Variants in VLDLR observed in about 807,000 individuals in gnomAD.
The protein encoded by VLDLR is very low-density lipoprotein receptor.
In VLDLR, 81 loss-of-function variants were observed where a neutral mutation model predicts 112.7. The observed-to-expected ratio is 0.72, with a 90% CI of 0.60 to 0.86. The LOEUF (loss-of-function observed/expected upper bound fraction) is 0.86, where lower values mean the gene tolerates loss of function less well. Among genes scored for constraint, VLDLR ranks in the 40% least tolerant of loss-of-function variants. The pLI is 0.00. For synonymous variants in VLDLR, 436 were observed against 384.8 expected (o/e 1.13, Z -1.56); for missense variants, 1,237 against 1,099.4 (o/e 1.13, Z -1.77).
chr9:2,641,561 A>G lies in VLDLR; in HGVS notation c.448+62A>G. The G allele has an allele frequency of 2.0e-5, 32 of 1,610,946 alleles. 1 individual carries two copies. In the South Asian group the frequency reaches 2.6e-4, roughly 13 times the overall value. ...CCCTTTTCCTAAAGGAAGGGTGGGC[A>G]GGGGAAACTAATCTAAGCCTGAAGA... On this transcript the variant is annotated intron_variant, in intron 4 of 18. Coordinates refer to ENST00000382100, the MANE Select transcript of VLDLR (RefSeq NM_003383.5).
Position 2,650,369 on chromosome 9 carries a change from G to T in VLDLR, c.2105-1G>T, listed in dbSNP as rs1451224864. On this transcript the variant is annotated splice_acceptor_variant, in intron 14 of 18. Coordinates refer to ENST00000382100, the MANE Select transcript of VLDLR (RefSeq NM_003383.5). LOFTEE classifies it high-confidence loss of function. The stretch of plus-strand genomic sequence containing the variant: ...TTAATGGTATTTTTTTTCCTGACTA[G>T]GTAAAAATTGGTGTGAAGAAGACAT... The T allele has an allele frequency of 1.9e-6, 3 of 1,613,834 alleles. No homozygotes were observed. Among genetic ancestry groups the T allele is most frequent in the Non-Finnish European group, 2.5e-6 (3 of 1,179,984 alleles).
At position 2,644,992 on chromosome 9, in the gene VLDLR, C is replaced by A; in HGVS notation, c.1222C>A (p.Gln408Lys). The change falls in exon 9 of 19, where the codon CAA becomes AAA. Residue 408 changes from glutamine (Q) to lysine (K), a missense_variant. By Grantham distance (53) the Gln-to-Lys change is moderately conservative (BLOSUM62 1). Coordinates refer to ENST00000382100, the MANE Select transcript of VLDLR (RefSeq NM_003383.5). ...ATGCCAAAATCCAGGAATCTGCAGT[C>A]AAATTTGTATCAACTTAAAAGGCGG... ...DECQNPGICS[Q>K]ICINLKGGYK... 1.2e-6 allele frequency: 2 copies of A among 1,614,082 alleles called. No individual in the cohort carries two copies. The highest frequency in any genetic ancestry group is 2.2e-5 in the South Asian group (2 of 91,018).
intron 2 of VLDLR, among the ~76,000 whole-genome samples, chr9:2,637,834 T>A (rs374352616): frequency 1.1e-4 from 17 of 152,178 alleles, no homozygotes; most frequent in Admixed American, 9.8e-4. Context: ...TCCCAGCTAC[T>A]CGGGAGGCTG....
intron 1 of VLDLR, among the ~76,000 whole-genome samples, chr9:2,623,224 G>A (rs1469119522): frequency 6.6e-6 from 1 of 152,112 alleles, no homozygotes; most frequent in African/African-American, 2.4e-5. Context: ...TCTGCCGCGG[G>A]GGCCTGGGGG....
intron 1 of VLDLR, among the ~76,000 whole-genome samples, chr9:2,626,860 G>A (rs1420937101): frequency 3.3e-5 from 5 of 152,172 alleles, no homozygotes; most frequent in African/African-American, 1.2e-4. Flanking sequence ...AGTAAACAGG[G>A]TTTCTATTTT....
intron 13 of VLDLR, 22 bp downstream of exon 13, chr9:2,648,369 A>G: frequency 2.5e-6 from 4 of 1,614,072 alleles, no homozygotes; most frequent in Non-Finnish European, 3.4e-6. Flanking sequence ...CTCACATCAA[A>G]GTGTGTACCT....
At chr9:2,622,430 G>C (rs929335815) in intron 1 of VLDLR, 159 bp downstream of exon 1, 2 of 629,788 alleles carry the variant, frequency 3.2e-6, no homozygotes, top group African/African-American at 3.9e-5. Flanking sequence ...CCTCTGAGCT[G>C]TCAGCGCCGA....
Position 2,643,439 on chromosome 9 carries a change from A to G in VLDLR, c.728A>G (p.Glu243Gly), listed in dbSNP as rs375804439. ...PVIHTKCPASEIQCGSGECIH... is the reference protein window; with the variant it reads ...PVIHTKCPASGIQCGSGECIH... ...ATACACACCAAGTGTCCAGCCAGCG[A>G]AATCCAGTGCGGCTCTGGCGAGTGC... The change falls in exon 5 of 19, where the codon GAA becomes GGA. Residue 243 changes from glutamate to glycine, a missense_variant. Glu to Gly is a moderately conservative substitution (Grantham distance 98, BLOSUM62 -2). Coordinates refer to ENST00000382100, the MANE Select transcript of VLDLR (RefSeq NM_003383.5). 1 of 1,614,106 alleles carries G rather than the reference A, an allele frequency of 6.2e-7. No homozygotes were observed. Among genetic ancestry groups the G allele is most frequent in the Non-Finnish European group, 8.5e-7 (1 of 1,180,050 alleles).
chr9:2,645,098 C>A lies in VLDLR; in HGVS notation c.1312+16C>A. 1 of 1,614,022 alleles carries A rather than the reference C, an allele frequency of 6.2e-7. No homozygotes were observed. Among genetic ancestry groups the A allele is most frequent in the Non-Finnish European group, 8.5e-7 (1 of 1,180,010 alleles). ...AAGGCAGTAGGTAAATGAACTTGGA[C>A]TGGTATGGCTGTTGTACCTTTATGA... On this transcript the variant is annotated intron_variant, in intron 9 of 18. Coordinates refer to ENST00000382100, the MANE Select transcript of VLDLR (RefSeq NM_003383.5).
chr9:2,631,736 C>G (rs971321481), intron 1 of VLDLR, among the ~76,000 whole-genome samples: 2 of 152,116 alleles, frequency 1.3e-5, no homozygotes, highest in Admixed American at 6.6e-5. Flanking sequence ...GAAATAACGT[C>G]AATGACTGTA....
At chr9:2,635,647 T>C in intron 2 of VLDLR, 75 bp downstream of exon 2, 1 of 1,604,092 alleles carries the variant, frequency 6.2e-7, no homozygotes. Context: ...GTATTGAGAT[T>C]CTGAAAATAA....
At chr9:2,638,054 G>C (rs968647860) in intron 2 of VLDLR, among the ~76,000 whole-genome samples, 20 of 152,214 alleles carry the variant, frequency 1.3e-4, no homozygotes, top group Admixed American at 1.2e-3. Context: ...ATCACAGGTT[G>C]AATTATAGCA....
chr9:2,634,496 G>T (rs1001994242), intron 1 of VLDLR, among the ~76,000 whole-genome samples: 5 of 152,188 alleles, frequency 3.3e-5, no homozygotes, highest in Non-Finnish European at 7.3e-5. Flanking sequence ...CCAGAAGGAC[G>T]GAACTGCTAA....
chr9:2,637,495 C>T (rs1038208809), intron 2 of VLDLR, among the ~76,000 whole-genome samples: 1 of 152,168 alleles, frequency 6.6e-6, no homozygotes, highest in African/African-American at 2.4e-5. Flanking sequence ...TCTCTCAAGG[C>T]CCAGTTCACA....
chr9:2,647,587 C>A lies in VLDLR; in HGVS notation c.1817C>A (p.Thr606Lys). Residue 606 changes from threonine (T) to lysine (K), a missense_variant, in exon 12 of 19, where the codon ACA (threonine) becomes AAA (lysine). Physicochemically the swap from Thr to Lys is moderately conservative, Grantham distance 78 (BLOSUM62 -1). Coordinates refer to ENST00000382100, the MANE Select transcript of VLDLR (RefSeq NM_003383.5). ...TADIQWPNGI[T>K]LDLIKSRLYW... Reference sequence around the variant, plus strand: ...GATATCCAGTGGCCTAACGGAATTACACTTGGTATGTATGTTCTTCCTTCT... The same window carrying A: ...GATATCCAGTGGCCTAACGGAATTAAACTTGGTATGTATGTTCTTCCTTCT... 1.2e-6 allele frequency: 2 copies of A among 1,612,622 alleles called. No individual in the cohort carries two copies. The highest frequency in any genetic ancestry group is 1.7e-6 in the Non-Finnish European group (2 of 1,178,620).
At chr9:2,633,049 AGAGTGTGTGTGTGTGTGTGTGTGTGTGT>A (rs1195246131) in intron 1 of VLDLR, among the ~76,000 whole-genome samples, 3 of 107,092 alleles carry the variant, frequency 2.8e-5, no homozygotes, top group South Asian at 3.2e-4. Context: ...AGAGAGAGAG[AGAGTGTGTGTGTGTGTGTGTGTGTGTGT>A]GTGTGTGTGT....
At chr9:2,628,539 C>G (rs1293221106) in intron 1 of VLDLR, among the ~76,000 whole-genome samples, 2 of 152,154 alleles carry the variant, frequency 1.3e-5, no homozygotes. Context: ...AGAAATGACC[C>G]CATTCTTGGC....
chr9:2,648,807 T>G lies in VLDLR; in HGVS notation c.2101T>G (p.Ser701Ala). ...TGTCTATCATGAACTTGTACAGCCATCAGGTACCGTGGAGAAGCACAGTCC... is the reference window on the plus strand; with the variant it reads ...TGTCTATCATGAACTTGTACAGCCAGCAGGTACCGTGGAGAAGCACAGTCC... ...IIVYHELVQP[S>A]GKNWCEEDME... is the part of the protein sequence containing the mutation. Residue 701 changes from serine (S) to alanine (A), a missense_variant, in exon 14 of 19, where the codon TCA becomes GCA. Coordinates refer to ENST00000382100, the MANE Select transcript of VLDLR (RefSeq NM_003383.5). The G allele has an allele frequency of 6.2e-7, 1 of 1,614,128 alleles. No homozygotes were observed. Among genetic ancestry groups the G allele is most frequent in the Non-Finnish European group, 8.5e-7 (1 of 1,180,004 alleles).
In VLDLR at chr9:2,659,609, A is replaced by G. The variant is rs1818728699; in HGVS notation, c.*5741A>G. On this transcript the variant is annotated 3_prime_UTR_variant, in exon 19 of 19. Transcript: ENST00000382100. ...TATGTATAAGATATTGGGAGAAAAC[A>G]AACTGTACCACAACAAATCTTAAGT... is the stretch of plus-strand genomic sequence containing the variant. 6.6e-6 allele frequency: 1 copy of G among 152,260 alleles called. No homozygotes were observed. The highest frequency in any genetic ancestry group is 2.1e-4 in the South Asian group (1 of 4,836). 9.4% of individuals were successfully genotyped at this position (152,260 alleles called of 1,614,324 possible).
Sources: gnomAD v4.1 joint callset for allele counts (sites outside exome capture counted in the v4.1 genomes callset) on GRCh38, gnomAD v4.1.1 for gene constraint, MANE v1.5 for transcripts, NCBI Gene and HGNC (gene_info 2026-07-23, HGNC 2026-07-21) for gene names.